Variants in NVL observed in about 807,000 individuals in gnomAD.
NVL encodes nuclear VCP like.
In NVL, 84 loss-of-function variants were observed where a neutral mutation model predicts 110.2. The observed-to-expected ratio is 0.76, with a 90% CI of 0.64 to 0.91. NVL has a LOEUF of 0.91. Among genes scored for constraint, NVL ranks in the 40% least tolerant of loss-of-function variants. The pLI is 0.00. For missense variants in NVL, 882 were observed against 1,035.9 expected (o/e 0.85, Z 2.04); for synonymous variants, 354 against 361.1 (o/e 0.98, Z 0.22).
intron 18 of NVL, chr1:224,257,071 C>G (rs1279255207): frequency 1.9e-6 from 1 of 532,542 alleles, no homozygotes; most frequent in Non-Finnish European, 3.9e-6. Context: ...CCCAGCTTTT[C>G]CCAACTTTGG....
rs952151365 is a variant in NVL at position 224,320,538 on chromosome 1, T to C, written c.132-2608A>G. Among the ~76,000 whole-genome samples the C allele has an allele frequency of 6.6e-5, 10 of 152,014 alleles. No individual in the cohort carries two copies. The East Asian group carries it at 7.7e-4, about 12-fold the overall frequency. On this transcript the variant is annotated intron_variant, in intron 2 of 22. Transcript: ENST00000281701. ...GGTGGGTGCCTGTAATCCCAGCTAC[T>C]TGGGAGGCTGAGGCAGGAGTATCAC... is the stretch of plus-strand genomic sequence containing the variant.
chr1:224,234,194 T>A (rs1226152009), intron 20 of NVL, among the ~76,000 whole-genome samples: 3 of 152,202 alleles, frequency 2.0e-5, no homozygotes. Context: ...ATTTAATTAG[T>A]TCATGTAATA....
chr1:224,277,263 G>A (rs562342818), intron 16 of NVL, among the ~76,000 whole-genome samples: 2 of 152,252 alleles, frequency 1.3e-5, no homozygotes, highest in African/African-American at 4.8e-5. Context: ...ATAACATCCT[G>A]CACAGTGTAC....
chr1:224,230,329 G>A (rs1412653647), intron 22 of NVL, among the ~76,000 whole-genome samples: 1 of 152,236 alleles, frequency 6.6e-6, no homozygotes. Flanking sequence ...TGTGGGCTGG[G>A]CGCAGTGGCT....
At chr1:224,291,729 G>A (rs1667396272) in intron 12 of NVL, among the ~76,000 whole-genome samples, 1 of 152,136 alleles carries the variant, frequency 6.6e-6, no homozygotes, top group East Asian at 1.9e-4. Context: ...AAAACATCAT[G>A]ATAAACCCTT....
intron 2 of NVL, 49 bp downstream of exon 2, chr1:224,326,342 G>A: frequency 7.3e-7 from 1 of 1,365,164 alleles, no homozygotes; most frequent in Non-Finnish European, 1.0e-6. Context: ...CTTTTAAAAT[G>A]GTAAAGGAGA....
rs2102689947 is a variant in NVL, at chr1:224,231,214, G to A, written c.2526+12C>T. ...AGTTTCCTTTCTCTATGCATTTAAT[G>A]GCATTGCTTACCTTTTTTGATATAG... On this transcript the variant is annotated intron_variant, in intron 22 of 22. Transcript: ENST00000281701. 1 of 1,583,892 alleles carries A rather than the reference G, an allele frequency of 6.3e-7. No individual in the cohort carries two copies. Among genetic ancestry groups the A allele is most frequent in the Non-Finnish European group, 8.7e-7 (1 of 1,154,536 alleles).
chr1:224,313,503 A>G (rs887696498), intron 4 of NVL, among the ~76,000 whole-genome samples: 3 of 152,220 alleles, frequency 2.0e-5, no homozygotes, highest in African/African-American at 7.2e-5. Flanking sequence ...GGTGCAAGCG[A>G]AAATTAAAAA....
At chr1:224,278,595 G>A (rs996776283) in intron 16 of NVL, among the ~76,000 whole-genome samples, 1 of 151,894 alleles carries the variant, frequency 6.6e-6, no homozygotes, top group East Asian at 1.9e-4. Flanking sequence ...CTACCCACCC[G>A]TTAAAAACAA....
intron 12 of NVL, among the ~76,000 whole-genome samples, chr1:224,292,546 C>T (rs1047076503): frequency 6.6e-6 from 1 of 152,158 alleles, no homozygotes; most frequent in African/African-American, 2.4e-5. Flanking sequence ...AACCCAGTCC[C>T]GCCTAGGTCT....
chr1:224,311,050 C>T (rs1219334985), intron 5 of NVL, among the ~76,000 whole-genome samples: 1 of 151,322 alleles, frequency 6.6e-6, no homozygotes, highest in Non-Finnish European at 1.5e-5. Flanking sequence ...CTATTCCTTA[C>T]TGATTTTTAT....
chr1:224,295,582 GATAAAA>G (rs1405057524), intron 11 of NVL, among the ~76,000 whole-genome samples: 1 of 151,602 alleles, frequency 6.6e-6, no homozygotes, highest in African/African-American at 2.4e-5. Context: ...GAAAATTTTA[GATAAAA>G]ATAAAACAGA....
intron 1 of NVL, 82 bp downstream of exon 1, chr1:224,329,989 G>A: frequency 1.5e-6 from 2 of 1,368,522 alleles, no homozygotes; most frequent in Non-Finnish European, 2.1e-6. Flanking sequence ...GTTCCACCTG[G>A]ATGCCACCCG....
At chr1:224,305,673 TC>T (rs1212227194) in intron 6 of NVL, among the ~76,000 whole-genome samples, 21 of 152,120 alleles carry the variant, frequency 1.4e-4, no homozygotes, top group Non-Finnish European at 2.8e-4. Flanking sequence ...TTCTCCTGCC[TC>T]AGCCTCCCAA....
chr1:224,285,171 T>C (rs1666737092), intron 15 of NVL, among the ~76,000 whole-genome samples: 1 of 152,166 alleles, frequency 6.6e-6, no homozygotes, highest in Admixed American at 6.5e-5. Flanking sequence ...GGGTGGTGGC[T>C]CACGCCTGTA....
intron 17 of NVL, 55 bp downstream of exon 17, chr1:224,275,284 A>C (rs1468936182): frequency 4.4e-6 from 7 of 1,603,884 alleles, no homozygotes; most frequent in Non-Finnish European, 6.0e-6. Flanking sequence ...CTTGGAACAT[A>C]GAAAAGGTTT....
intron 22 of NVL, among the ~76,000 whole-genome samples, chr1:224,228,562 C>CA (rs1659458313): frequency 6.6e-6 from 1 of 151,542 alleles, no homozygotes; most frequent in African/African-American, 2.4e-5. Flanking sequence ...CTCGGCCTCT[C>CA]AAAGTGCTGG....
intron 4 of NVL, among the ~76,000 whole-genome samples, chr1:224,316,165 C>T (rs1047990429): frequency 3.9e-5 from 6 of 152,002 alleles, no homozygotes; most frequent in African/African-American, 1.4e-4. Flanking sequence ...CAAAGTGAGA[C>T]TCTGTCTCAA....
chr1:224,312,703 C>T (rs1050848966), intron 4 of NVL: 2 of 151,768 alleles, frequency 1.3e-5, no homozygotes, highest in African/African-American at 4.8e-5. Flanking sequence ...CGCCTGTAAT[C>T]CCAGCTACTC....
Sources: gnomAD v4.1 joint callset for allele counts (sites outside exome capture counted in the v4.1 genomes callset) on GRCh38, gnomAD v4.1.1 for gene constraint, MANE v1.5 for transcripts, NCBI Gene and HGNC (gene_info 2026-07-23, HGNC 2026-07-21) for gene names.